The following KIAA1549 variants were observed in gnomAD, a reference collection of about 807,000 sequenced individuals.
KIAA1549 encodes the protein UPF0606 protein KIAA1549.
KIAA1549 carries 70 observed loss-of-function variants against 156.4 expected under a neutral mutation model. The ratio of observed to expected loss-of-function variants is 0.45; its 90% CI spans 0.37 to 0.55. The LOEUF is 0.55. KIAA1549 is among the 20% of genes least tolerant of loss of function. The pLI is 0.00. For synonymous variants in KIAA1549, 1,103 were observed against 1,066.4 expected (o/e 1.03, Z -0.67); for missense variants, 2,428 against 2,540.9 (o/e 0.96, Z 0.96).
In KIAA1549 at chr7:138,966,158, C is replaced by A. The variant is rs200305884; in HGVS notation, c.187+14925G>T. On this transcript the variant is annotated intron_variant, in intron 1 of 19. Transcript: ENST00000422774. ...ACATGTTGAAGTCCTAACCCTAGAA[C>A]CTCAGGATGTGACCTTACGTGGAAA... is the stretch of plus-strand genomic sequence containing the variant. Among the ~76,000 whole-genome samples, 65 of 152,224 alleles carry A rather than the reference C, an allele frequency of 4.3e-4. No homozygotes were observed. In the East Asian group the frequency reaches 0.012, roughly 29 times the overall value.
At chr7:138,859,051 A>ACG in intron 16 of KIAA1549, among the ~76,000 whole-genome samples, 2 of 149,574 alleles carry the variant, frequency 1.3e-5, no homozygotes, top group South Asian at 2.1e-4. Flanking sequence ...ACACACACAC[A>ACG]CGAACAGAAA....
At chr7:138,899,627 G>A (rs539408617) in intron 8 of KIAA1549, among the ~76,000 whole-genome samples, 1 of 152,184 alleles carries the variant, frequency 6.6e-6, no homozygotes, top group South Asian at 2.1e-4. Flanking sequence ...ACAATCCCTT[G>A]ACATGGGGTG....
In KIAA1549 at chr7:138,833,753, T is replaced by C. The variant is rs1211067951; in HGVS notation, c.*4153A>G. The C allele has an allele frequency of 4.3e-6, 1 of 233,016 alleles. No individual in the cohort carries two copies. The highest frequency in any genetic ancestry group is 8.5e-6 in the Non-Finnish European group (1 of 117,974). 14.4% of individuals were successfully genotyped at this position (233,016 alleles called of 1,614,324 possible). A position where few individuals can be genotyped will look rare whatever the true frequency, so the allele number is the denominator to read the frequency against. ...CCAAACGGCTGCTTGAGATCTGCTC[T>C]AAACAATGACCTCAGTGTCATTCTC... On this transcript the variant is annotated 3_prime_UTR_variant, in exon 20 of 20. Transcript: ENST00000422774.
intron 1 of KIAA1549, among the ~76,000 whole-genome samples, chr7:138,923,465 T>A (rs917908419): frequency 2.6e-5 from 4 of 152,088 alleles, no homozygotes; most frequent in Non-Finnish European, 5.9e-5. Flanking sequence ...CTGGGTGTGG[T>A]GGCATGCACC....
chr7:138,882,629 T>C (rs185033959), intron 10 of KIAA1549, among the ~76,000 whole-genome samples: 1 of 152,220 alleles, frequency 6.6e-6, no homozygotes, highest in East Asian at 1.9e-4. Flanking sequence ...GAACATCTAA[T>C]AGTTTGGGGC....
chr7:138,981,001 G>A lies in KIAA1549; in HGVS notation c.187+82C>T. On this transcript the variant is annotated intron_variant, in intron 1 of 19. Transcript: ENST00000422774. This position sits in a 1 kb window ranked among gnomAD's most constrained non-coding sequence, Gnocchi z 4.5. ...GCTGGAGAATAAAAGAGGATGGGCG[G>A]GGAAAGCCGGGGTTTTGAAAACAGC... 1 of 1,153,526 alleles carries A rather than the reference G, an allele frequency of 8.7e-7. No individual in the cohort carries two copies. The highest frequency in any genetic ancestry group is 1.1e-6 in the Non-Finnish European group (1 of 933,812). The allele number at this position is 1,153,526 out of a possible 1,614,324, so 71.5% of individuals were successfully genotyped here. A position where few individuals can be genotyped will look rare whatever the true frequency, so the allele number is the denominator to read the frequency against.
At chr7:138,926,544 C>G (rs975858003) in intron 1 of KIAA1549, among the ~76,000 whole-genome samples, 4 of 152,150 alleles carry the variant, frequency 2.6e-5, no homozygotes, top group Non-Finnish European at 5.9e-5. Flanking sequence ...CTCGGTCTCC[C>G]AAAGTGCTGG....
chr7:138,940,129 A>G (rs1813135308), intron 1 of KIAA1549, among the ~76,000 whole-genome samples: 1 of 152,094 alleles, frequency 6.6e-6, no homozygotes, highest in African/African-American at 2.4e-5. Flanking sequence ...CTCGTCATTT[A>G]TATTAGGTAT....
chr7:138,973,486 T>C (rs899154675), intron 1 of KIAA1549, among the ~76,000 whole-genome samples: 20 of 152,204 alleles, frequency 1.3e-4, no homozygotes, highest in Admixed American at 1.2e-3. Context: ...TATTTTGTCA[T>C]GATGGTCAGT....
At chr7:138,866,366 T>C (rs543161470) in intron 15 of KIAA1549, among the ~76,000 whole-genome samples, 4 of 152,320 alleles carry the variant, frequency 2.6e-5, no homozygotes, top group African/African-American at 9.6e-5. Flanking sequence ...TTTAAGTGCT[T>C]GTTATTTATA....
intron 8 of KIAA1549, among the ~76,000 whole-genome samples, chr7:138,902,521 T>C (rs1811871032): frequency 6.6e-6 from 1 of 152,182 alleles, no homozygotes; most frequent in Non-Finnish European, 1.5e-5. Flanking sequence ...GAGATGGAAA[T>C]TAATGACAGC....
At chr7:138,865,160 T>C (rs915470678) in intron 15 of KIAA1549, among the ~76,000 whole-genome samples, 1 of 151,656 alleles carries the variant, frequency 6.6e-6, no homozygotes, top group Non-Finnish European at 1.5e-5. Context: ...CTTGGGGAGG[T>C]TGAAGCTGCA....
At position 138,869,692 on chromosome 7, in the gene KIAA1549, G is replaced by A. The variant is rs769060216; in HGVS notation, c.4621C>T (p.Arg1541Cys). Reference sequence around the variant, plus strand: ...ACCGGGAACTCGTAGTGCCCGCGGCGCTTGGCGCGCAGGCGGATCTTGTTG... The same window carrying A: ...ACCGGGAACTCGTAGTGCCCGCGGCACTTGGCGCGCAGGCGGATCTTGTTG... ...HRNKIRLRAK[R>C]RGHYEFPVVD... The change falls in exon 14 of 20, where the codon CGC becomes TGC. Residue 1541 changes from arginine to cysteine, a missense_variant. Coordinates refer to ENST00000422774, the MANE Select transcript of KIAA1549 (RefSeq NM_001164665.2). The A allele has an allele frequency of 1.9e-5, 30 of 1,612,176 alleles. 1 individual carries two copies. Among genetic ancestry groups the A allele is most frequent in the East Asian group, 4.5e-5 (2 of 44,864 alleles).
chr7:138,837,786 C>T lies in KIAA1549; in HGVS notation c.*120G>A. On this transcript the variant is annotated 3_prime_UTR_variant, in exon 20 of 20. Transcript: ENST00000422774. The stretch of plus-strand genomic sequence containing the variant: ...TCTTCTAAATTGCAACTTGCTCCCT[C>T]CCTTGGGCAGGCTGCCCGAGAGTTG... 1 of 1,201,410 alleles carries T rather than the reference C, an allele frequency of 8.3e-7. No homozygotes were observed. The highest frequency in any genetic ancestry group is 1.2e-6 in the Non-Finnish European group (1 of 867,274). The allele number at this position is 1,201,410 out of a possible 1,614,324, so 74.4% of individuals were successfully genotyped here.
chr7:138,855,941 A>G (rs1183153778), intron 16 of KIAA1549, among the ~76,000 whole-genome samples: 2 of 152,146 alleles, frequency 1.3e-5, no homozygotes, highest in Admixed American at 6.5e-5. Flanking sequence ...CCAGCCAACT[A>G]CAACCTGATT....
At chr7:138,858,523 A>G (rs1161684976) in intron 16 of KIAA1549, among the ~76,000 whole-genome samples, 1 of 151,902 alleles carries the variant, frequency 6.6e-6, no homozygotes, top group Non-Finnish European at 1.5e-5. Context: ...TATATTCTTG[A>G]GCTTTGCTTG....
intron 16 of KIAA1549, among the ~76,000 whole-genome samples, chr7:138,852,901 G>A (rs1461776764): frequency 6.6e-6 from 1 of 152,230 alleles, no homozygotes; most frequent in Non-Finnish European, 1.5e-5. Flanking sequence ...TCCATAAGGT[G>A]CCCCCGTATC....
At chr7:138,938,319 GAC>G (rs1584770636) in intron 1 of KIAA1549, among the ~76,000 whole-genome samples, 1 of 152,300 alleles carries the variant, frequency 6.6e-6, no homozygotes, top group East Asian at 1.9e-4. Flanking sequence ...AATGGACTAA[GAC>G]ACACATCAAA....
rs368408826 is a variant in KIAA1549 at position 138,841,422 on chromosome 7, A to AC, written c.5453-1145dup. 4.6e-5 allele frequency among the ~76,000 whole-genome samples: 7 copies of AC among 151,952 alleles called. No homozygotes were observed. In the East Asian group the frequency reaches 1.4e-3, roughly 29 times the overall value. On this transcript the variant is annotated intron_variant, in intron 18 of 19. Transcript: ENST00000422774. ...GCCAGAGGACTCTCTAGAGCTAATT[A>AC]CCCCCCTATACCCAGACATCTGCAG...
Sources: allele counts gnomAD v4.1 joint callset (sites outside exome capture counted in the v4.1 genomes callset), GRCh38; gene constraint gnomAD v4.1.1; non-coding constraint Gnocchi (gnomAD v3.1); transcripts MANE v1.5; gene names NCBI Gene and HGNC (gene_info 2026-07-23, HGNC 2026-07-21).